Variants in RAB30 observed in about 807,000 individuals in gnomAD.
The protein encoded by RAB30 is RAB30, member RAS oncogene family.
In RAB30, 9 loss-of-function variants were observed where a neutral mutation model predicts 25.1. The ratio of observed to expected loss-of-function variants is 0.36; its 90% CI spans 0.22 to 0.63. RAB30 has a LOEUF of 0.63. RAB30 is among the 20% of genes least tolerant of loss of function. RAB30 has a pLI of 0.69. For synonymous variants in RAB30, 77 were observed against 86.4 expected, an observed-to-expected ratio of 0.89 and a Z score of 0.60; for missense variants, 140 against 243.5, an observed-to-expected ratio of 0.58 and a Z score of 2.83.
At chr11:83,005,234 G>T (rs1245949720) in intron 1 of RAB30, among the ~76,000 whole-genome samples, 1 of 152,194 alleles carries the variant, frequency 6.6e-6, no homozygotes, top group Non-Finnish European at 1.5e-5. Flanking sequence ...TACTTACTCT[G>T]ACACACTGGT....
chr11:82,977,639 T>C lies in RAB30; in HGVS notation c.*4526A>G, dbSNP rs1256531547. ...TTCCACCCCTCTGAACCACAGAGCATCTTGTTCTAATGCACTAATTGTATT... is the reference window on the plus strand; with the variant it reads ...TTCCACCCCTCTGAACCACAGAGCACCTTGTTCTAATGCACTAATTGTATT... On this transcript the variant is annotated 3_prime_UTR_variant, in exon 5 of 5. Coordinates refer to ENST00000527633, the MANE Select transcript of RAB30 (RefSeq NM_001286060.2). 6.6e-6 allele frequency: 1 copy of C among 152,198 alleles called. No individual in the cohort carries two copies. The highest frequency in any genetic ancestry group is 6.5e-5 in the Admixed American group (1 of 15,288). The allele number at this position is 152,198 out of a possible 1,614,324, so 9.4% of individuals were successfully genotyped here.
chr11:83,026,651 A>G (rs1857721668), intron 1 of RAB30, among the ~76,000 whole-genome samples: 1 of 152,172 alleles, frequency 6.6e-6, no homozygotes, highest in African/African-American at 2.4e-5. Flanking sequence ...AGCTTCAAGT[A>G]TTTCTTTGTA....
chr11:83,049,570 T>G (rs983430111), intron 1 of RAB30, among the ~76,000 whole-genome samples: 8 of 151,596 alleles, frequency 5.3e-5, no homozygotes, highest in Non-Finnish European at 7.4e-5. Context: ...AGCCTCAACC[T>G]GCGGGGCTCA....
At chr11:83,067,484 A>C (rs1858728124) in intron 1 of RAB30, among the ~76,000 whole-genome samples, 1 of 152,142 alleles carries the variant, frequency 6.6e-6, no homozygotes, top group Non-Finnish European at 1.5e-5. Flanking sequence ...AGCAAGAGTG[A>C]AAGATCTTAG....
chr11:83,068,051 G>A (rs1181123954), intron 1 of RAB30, among the ~76,000 whole-genome samples: 1 of 151,172 alleles, frequency 6.6e-6, no homozygotes, highest in Non-Finnish European at 1.5e-5. Flanking sequence ...CTTGAATCCA[G>A]AGATGGAGGC....
intron 3 of RAB30, among the ~76,000 whole-genome samples, chr11:82,989,956 T>C (rs12279588): frequency 0.019 from 2,894 of 152,330 alleles, 87 homozygotes; most frequent in African/African-American, 0.065. Context: ...GATATAAAGA[T>C]GAATAAAATC....
At chr11:83,021,861 G>T (rs1857587065) in intron 1 of RAB30, among the ~76,000 whole-genome samples, 1 of 152,228 alleles carries the variant, frequency 6.6e-6, no homozygotes, top group Admixed American at 6.5e-5. Flanking sequence ...TATAGGAAGT[G>T]CTCTATAAAT....
intron 1 of RAB30, among the ~76,000 whole-genome samples, chr11:83,043,424 CTG>C (rs1472808925): frequency 4.6e-5 from 7 of 152,298 alleles, no homozygotes; most frequent in Middle Eastern, 3.4e-3. Flanking sequence ...CACTAATAAA[CTG>C]TGGTGGTTTT....
At chr11:83,054,167 T>C (rs548873782) in intron 1 of RAB30, among the ~76,000 whole-genome samples, 29 of 152,332 alleles carry the variant, frequency 1.9e-4, no homozygotes, top group Admixed American at 1.9e-3. Flanking sequence ...TTCTTCATTA[T>C]CTTCCTGGAG....
At chr11:82,987,341 G>A (rs2121440636) in intron 4 of RAB30, 1 of 320,204 alleles carries the variant, frequency 3.1e-6, no homozygotes, top group African/African-American at 2.1e-5. Context: ...TAACTTTCAT[G>A]GCCATCCAAC....
At chr11:82,985,512 A>G (rs562631970) in intron 4 of RAB30, among the ~76,000 whole-genome samples, 56 of 152,164 alleles carry the variant, frequency 3.7e-4, no homozygotes, top group Non-Finnish European at 5.7e-4. Context: ...ACTTATCTAT[A>G]AATCTGCAAG....
chr11:83,008,500 T>C (rs1007978482), intron 1 of RAB30, among the ~76,000 whole-genome samples: 1 of 152,342 alleles, frequency 6.6e-6, no homozygotes, highest in African/African-American at 2.4e-5. Flanking sequence ...TATTGCATCC[T>C]TGAATCAACC....
At chr11:83,016,008 C>T (rs1323094063) in intron 1 of RAB30, among the ~76,000 whole-genome samples, 8 of 151,908 alleles carry the variant, frequency 5.3e-5, no homozygotes, top group African/African-American at 9.7e-5. Context: ...CATGGTGGCA[C>T]GTATCTGTAG....
chr11:83,014,634 A>AAAAAAGAAAGAAAGAAAG (rs1555035113), intron 1 of RAB30, among the ~76,000 whole-genome samples: 1 of 112,616 alleles, frequency 8.9e-6, no homozygotes, highest in South Asian at 3.3e-4. Flanking sequence ...AGAAGTAAGA[A>AAAAAAGAAAGAAAGAAAG]AAAGAAAGAA....
chr11:82,987,617 C>A lies in RAB30; in HGVS notation c.331G>T (p.Ala111Ser). The stretch of plus-strand genomic sequence containing the variant: ...AACACAGTGATGACCTTGTTGCTGG[C>A]ATATTGTTCTATCTCCCGCAGCCAC... ...PEWLREIEQY[A>S]SNKVITVLVG... Residue 111 changes from alanine (A) to serine (S), a missense_variant, in exon 4 of 5, where the codon GCC becomes TCC. Transcript: ENST00000527633. The A allele has an allele frequency of 6.2e-7, 1 of 1,613,290 alleles. No individual in the cohort carries two copies.
intron 1 of RAB30, among the ~76,000 whole-genome samples, chr11:83,014,637 AGAAAGAAAG>A (rs1297913917): frequency 4.5e-5 from 2 of 44,224 alleles, no homozygotes; most frequent in Non-Finnish European, 9.7e-5. Flanking sequence ...AGTAAGAAAA[AGAAAGAAAG>A]AAAGAAAGAA....
intron 1 of RAB30, among the ~76,000 whole-genome samples, chr11:83,061,567 T>G (rs1351807408): frequency 2.0e-5 from 3 of 152,086 alleles, no homozygotes; most frequent in Non-Finnish European, 4.4e-5. Context: ...TACTTTCAAG[T>G]GGTTTAGAAA....
chr11:83,032,589 T>G (rs925320545), intron 1 of RAB30, among the ~76,000 whole-genome samples: 1 of 152,202 alleles, frequency 6.6e-6, no homozygotes, highest in Non-Finnish European at 1.5e-5. Context: ...CTCAGCCACC[T>G]GAGTAGCTGG....
At chr11:83,015,797 T>C (rs1177795208) in intron 1 of RAB30, among the ~76,000 whole-genome samples, 2 of 151,874 alleles carry the variant, frequency 1.3e-5, no homozygotes, top group South Asian at 2.1e-4. Flanking sequence ...TCAAAGAAAA[T>C]GGTGATCAGT....
Sources: gnomAD v4.1 joint callset for allele counts (sites outside exome capture counted in the v4.1 genomes callset) on GRCh38, gnomAD v4.1.1 for gene constraint, MANE v1.5 for transcripts, NCBI Gene and HGNC (gene_info 2026-07-23, HGNC 2026-07-21) for gene names.